UBE2E2: variants seen among roughly 807,000 people sequenced by gnomAD.
UBE2E2 encodes ubiquitin-conjugating enzyme E2 E2.
A neutral mutation model predicts 24.7 loss-of-function variants in UBE2E2; 6 were observed. The ratio of observed to expected loss-of-function variants is 0.24; its 90% CI spans 0.13 to 0.48. UBE2E2 has a LOEUF of 0.48. Ranked by LOEUF, UBE2E2 falls within the 20% of genes least tolerant of loss-of-function variation. The probability of loss-of-function intolerance (pLI) is 0.99; values close to 1 mark genes in which losing one functional copy is unlikely to be tolerated. For synonymous variants in UBE2E2, 104 were observed against 83.6 expected (o/e 1.24, Z -1.33); for missense variants, 169 against 245.0 (o/e 0.69, Z 2.07).
At chr3:23,208,341 T>A (rs1207110923) in intron 1 of UBE2E2, among the ~76,000 whole-genome samples, 1 of 152,210 alleles carries the variant, frequency 6.6e-6, no homozygotes, top group African/African-American at 2.4e-5. Context: ...GTAGACACAG[T>A]ACTTCATTCT....
At chr3:23,395,780 C>G (rs964353008) in intron 3 of UBE2E2, among the ~76,000 whole-genome samples, 1 of 152,134 alleles carries the variant, frequency 6.6e-6, no homozygotes, top group Non-Finnish European at 1.5e-5. Context: ...GCTCTCTGTT[C>G]TGTCAGCTCA....
intron 4 of UBE2E2, among the ~76,000 whole-genome samples, chr3:23,523,623 C>G (rs138021630): frequency 0.042 from 1,839 of 44,168 alleles, 15 homozygotes; most frequent in Middle Eastern, 0.06. Context: ...GGGTGGGGGG[C>G]TGGGGGAAGG....
intron 3 of UBE2E2, among the ~76,000 whole-genome samples, chr3:23,454,717 G>C (rs190419792): frequency 6.6e-6 from 1 of 152,246 alleles, no homozygotes; most frequent in Admixed American, 6.5e-5. Context: ...CTCTTTTAAA[G>C]TTTTGTTTGA....
intron 3 of UBE2E2, among the ~76,000 whole-genome samples, chr3:23,314,105 A>G (rs780457270): frequency 4.5e-4 from 68 of 152,102 alleles, no homozygotes; most frequent in Admixed American, 1.0e-3. Context: ...TGTACTGTCT[A>G]TGTCTTGAAA....
intron 4 of UBE2E2, among the ~76,000 whole-genome samples, chr3:23,500,617 T>C (rs1184234608): frequency 1.3e-5 from 2 of 152,188 alleles, no homozygotes; most frequent in Non-Finnish European, 2.9e-5. Flanking sequence ...AGAAAACTTG[T>C]TTGTATTGTG....
intron 3 of UBE2E2, among the ~76,000 whole-genome samples, chr3:23,230,083 T>C (rs929157961): frequency 2.0e-5 from 3 of 152,232 alleles, no homozygotes; most frequent in African/African-American, 7.2e-5. Flanking sequence ...ATATATTTAT[T>C]TATCTCCCCT....
chr3:23,484,582 A>G (rs1283766885), intron 3 of UBE2E2, among the ~76,000 whole-genome samples: 13 of 152,212 alleles, frequency 8.5e-5, no homozygotes, highest in Non-Finnish European at 1.5e-4. Flanking sequence ...CCTAGATCAC[A>G]GTACAGTGAT....
intron 3 of UBE2E2, among the ~76,000 whole-genome samples, chr3:23,448,534 A>G (rs369885369): frequency 6.6e-6 from 1 of 152,188 alleles, no homozygotes; most frequent in Non-Finnish European, 1.5e-5. Flanking sequence ...ATTGGGAATG[A>G]TATTAGTTCC....
chr3:23,371,407 TCTCA>T (rs1696396150), intron 3 of UBE2E2, among the ~76,000 whole-genome samples: 1 of 152,230 alleles, frequency 6.6e-6, no homozygotes, highest in Admixed American at 6.5e-5. Flanking sequence ...TTTTATGTTT[TCTCA>T]CTCAGTGTCA....
At chr3:23,258,599 A>G (rs1026784207) in intron 3 of UBE2E2, among the ~76,000 whole-genome samples, 22 of 152,204 alleles carry the variant, frequency 1.4e-4, no homozygotes, top group African/African-American at 5.3e-4. Flanking sequence ...ATGAGCTTAT[A>G]AAAATGAATC....
chr3:23,560,936 T>G (rs1364761769), intron 5 of UBE2E2, among the ~76,000 whole-genome samples: 1 of 152,184 alleles, frequency 6.6e-6, no homozygotes, highest in Non-Finnish European at 1.5e-5. Context: ...TCTTGTAAAT[T>G]TGTTTGAGTT....
chr3:23,525,547 T>C (rs1397416141), intron 4 of UBE2E2, among the ~76,000 whole-genome samples: 1 of 152,262 alleles, frequency 6.6e-6, no homozygotes, highest in Non-Finnish European at 1.5e-5. Flanking sequence ...AAAACTGTTA[T>C]TCTCAATATA....
chr3:23,231,262 A>G (rs1267770449), intron 3 of UBE2E2, among the ~76,000 whole-genome samples: 1 of 152,128 alleles, frequency 6.6e-6, no homozygotes, highest in Non-Finnish European at 1.5e-5. Flanking sequence ...TATATACTTC[A>G]TTGGCCCACT....
At chr3:23,588,840 G>A (rs1696692610) in intron 5 of UBE2E2, among the ~76,000 whole-genome samples, 1 of 152,188 alleles carries the variant, frequency 6.6e-6, no homozygotes, top group Admixed American at 6.5e-5. Context: ...TAGTCATGGT[G>A]AGTGTTAGCT....
intron 3 of UBE2E2, among the ~76,000 whole-genome samples, chr3:23,225,839 T>C (rs543406870): frequency 1.3e-5 from 2 of 152,258 alleles, no homozygotes; most frequent in South Asian, 4.1e-4. Context: ...TGTGTCATTT[T>C]ACTACTCATG....
At chr3:23,524,501 T>C (rs1227699904) in intron 4 of UBE2E2, among the ~76,000 whole-genome samples, 7 of 152,158 alleles carry the variant, frequency 4.6e-5, no homozygotes, top group Non-Finnish European at 1.0e-4. Flanking sequence ...AGAAACTGAA[T>C]CTCAAAGATG....
At chr3:23,323,634 A>G (rs775101950) in intron 3 of UBE2E2, 17 of 411,490 alleles carry the variant, frequency 4.1e-5, no homozygotes, top group African/African-American at 1.1e-4. Flanking sequence ...AAAATATCCA[A>G]AACACTTCTG....
At chr3:23,552,472 C>T (rs1695668716) in intron 5 of UBE2E2, among the ~76,000 whole-genome samples, 1 of 152,134 alleles carries the variant, frequency 6.6e-6, no homozygotes, top group African/African-American at 2.4e-5. Flanking sequence ...TTTAACTAAA[C>T]TAATGGGTTG....
chr3:23,271,623 C>G (rs1444930815), intron 3 of UBE2E2, among the ~76,000 whole-genome samples: 1 of 152,174 alleles, frequency 6.6e-6, no homozygotes, highest in Non-Finnish European at 1.5e-5. Flanking sequence ...GGTGCGTTTA[C>G]AATCCCTGAG....
Sources: gnomAD v4.1 joint callset for allele counts (sites outside exome capture counted in the v4.1 genomes callset) on GRCh38, gnomAD v4.1.1 for gene constraint, MANE v1.5 for transcripts, NCBI Gene and HGNC (gene_info 2026-07-23, HGNC 2026-07-21) for gene names.